Variants in MPHOSPH9 observed in about 807,000 individuals in gnomAD.
MPHOSPH9 encodes the protein M-phase phosphoprotein 9.
Under a neutral mutation model 145.5 loss-of-function variants are expected in MPHOSPH9, and 88 were observed. That is an observed-to-expected ratio of 0.60 (90% CI 0.51 to 0.72). The LOEUF is 0.72. MPHOSPH9 is among the 30% of genes least tolerant of loss of function. The pLI is 0.00. For synonymous variants in MPHOSPH9, 435 were observed against 486.2 expected (o/e 0.89, Z 1.39); for missense variants, 1,238 against 1,386.6 (o/e 0.89, Z 1.70).
intron 5 of MPHOSPH9, among the ~76,000 whole-genome samples, chr12:123,219,354 T>G (rs1035997448): frequency 9.3e-5 from 14 of 151,250 alleles, no homozygotes; most frequent in Non-Finnish European, 1.3e-4. Context: ...ATCCCAGCAC[T>G]TTGGGAGGCT....
chr12:123,235,981 T>A (rs2047844460), upstream of MPHOSPH9, among the ~76,000 whole-genome samples: 1 of 151,928 alleles, frequency 6.6e-6, no homozygotes, highest in African/African-American at 2.4e-5. Flanking sequence ...GGAGAATCGC[T>A]GGAACCCGGG....
intron 7 of MPHOSPH9, 113 bp from the exon 8 acceptor site, chr12:123,210,275 T>C (rs1824279075): frequency 1.8e-6 from 1 of 553,076 alleles, no homozygotes; most frequent in Non-Finnish European, 3.0e-6. Flanking sequence ...TAATTTTGGG[T>C]TAAAGTAATT....
intron 16 of MPHOSPH9, among the ~76,000 whole-genome samples, chr12:123,173,156 G>A (rs539090224): frequency 4.6e-5 from 7 of 152,196 alleles, no homozygotes; most frequent in Non-Finnish European, 7.4e-5. Flanking sequence ...GATTAAAGGC[G>A]TGAGCCACCA....
chr12:123,222,581 G>A (rs1422691420), intron 4 of MPHOSPH9, among the ~76,000 whole-genome samples: 1 of 152,152 alleles, frequency 6.6e-6, no homozygotes, highest in Non-Finnish European at 1.5e-5. Flanking sequence ...TTGAACCTGG[G>A]AGGCGGAGTT....
chr12:123,223,085 G>C lies in MPHOSPH9; in HGVS notation c.301C>G (p.Gln101Glu), dbSNP rs1357737573. The part of the protein sequence containing the change: ...QLFNLVEKQC[Q>E]EQIVAQQEQF... The stretch of plus-strand genomic sequence containing the variant: ...TCCTGCTGGGCAACTATCTGTTCTT[G>C]GCATTGTTTTTCCACCAAATTGAAT... The change falls in exon 4 of 24, where the codon CAA becomes GAA. Residue 101 changes from glutamine to glutamate, a missense_variant. Transcript: ENST00000606320. 1 of 1,490,514 alleles carries C rather than the reference G, an allele frequency of 6.7e-7. No homozygotes were observed. The highest frequency in any genetic ancestry group is 8.9e-7 in the Non-Finnish European group (1 of 1,128,796). The allele number at this position is 1,490,514 out of a possible 1,614,324, so 92.3% of individuals were successfully genotyped here. A position where few individuals can be genotyped will look rare whatever the true frequency, so the allele number is the denominator to read the frequency against.
intron 13 of MPHOSPH9, among the ~76,000 whole-genome samples, chr12:123,188,324 T>G (rs745821885): frequency 5.3e-5 from 8 of 152,140 alleles, no homozygotes; most frequent in Non-Finnish European, 1.0e-4. Flanking sequence ...GGTACAACCA[T>G]TTCAGAGAGC....
chr12:123,240,267 G>C (rs1000516193), intron 1 of MPHOSPH9, among the ~76,000 whole-genome samples: 9 of 151,414 alleles, frequency 5.9e-5, no homozygotes, highest in African/African-American at 2.2e-4. Flanking sequence ...CCAGCTACTT[G>C]GGATGCTGAG....
intron 2 of MPHOSPH9, 91 bp downstream of exon 2, chr12:123,230,170 C>T: frequency 1.4e-6 from 1 of 707,658 alleles, no homozygotes; most frequent in Non-Finnish European, 2.2e-6. Context: ...TAATTCAAAT[C>T]AGTAACTATG....
chr12:123,198,331 A>G lies in MPHOSPH9; in HGVS notation c.1941T>C (p.Cys647=), dbSNP rs2046065853. The change falls in exon 12 of 24, where the codon TGT becomes TGC. Residue 647 remains cysteine, a synonymous_variant. Coordinates refer to ENST00000606320, the MANE Select transcript of MPHOSPH9 (RefSeq NM_022782.4). ...CATGCAAAGCACTATCTAATTGGCC[A>G]CATCTAAAAACCATAAATTTAGCTT... ...KITNQILVDR[C]GQLDSALHEA... 3.1e-6 allele frequency: 5 copies of G among 1,608,718 alleles called. No individual in the cohort carries two copies. The Admixed American group carries it at 8.5e-5, about 27-fold the overall frequency.
chr12:123,218,147 G>A (rs559192156), intron 6 of MPHOSPH9, among the ~76,000 whole-genome samples: 4 of 151,856 alleles, frequency 2.6e-5, no homozygotes, highest in East Asian at 1.9e-4. Context: ...CAGGAGAATC[G>A]CTTGAACCTG....
intron 21 of MPHOSPH9, 45 bp downstream of exon 21, chr12:123,162,070 A>C: frequency 1.6e-6 from 2 of 1,262,492 alleles, no homozygotes; most frequent in Non-Finnish European, 2.2e-6. Context: ...AATCTCAAAA[A>C]ATGAATGATT....
intron 13 of MPHOSPH9, among the ~76,000 whole-genome samples, chr12:123,190,456 T>C (rs1424798629): frequency 6.6e-6 from 1 of 152,162 alleles, no homozygotes; most frequent in Non-Finnish European, 1.5e-5. Context: ...GGCCGGAGTA[T>C]TTTATTTCTT....
chr12:123,212,672 T>TCGC (rs1430899431), intron 7 of MPHOSPH9, among the ~76,000 whole-genome samples: 1 of 112,532 alleles, frequency 8.9e-6, no homozygotes, highest in Non-Finnish European at 1.7e-5. Context: ...GATCACACCA[T>TCGC]CGCACTCCAG....
chr12:123,225,694 A>T (rs1336039233), intron 3 of MPHOSPH9, among the ~76,000 whole-genome samples: 1 of 152,136 alleles, frequency 6.6e-6, no homozygotes, highest in East Asian at 1.9e-4. Context: ...GTTAAAATAC[A>T]TTGTGGCAAT....
At position 123,202,730 on chromosome 12, in the gene MPHOSPH9, T is replaced by C. The variant is rs749225898; in HGVS notation, c.1675A>G (p.Met559Val). 3.1e-6 allele frequency: 5 copies of C among 1,614,176 alleles called. No individual in the cohort carries two copies. The highest frequency in any genetic ancestry group is 1.1e-5 in the South Asian group (1 of 91,086). Reference sequence around the variant, plus strand: ...TGACTGACTGAGGCCGAAGCAACCATGACAGTGTTTTCTTCATCTACAGTG... The same window carrying C: ...TGACTGACTGAGGCCGAAGCAACCACGACAGTGTTTTCTTCATCTACAGTG... Reference protein sequence around the residue: ...VNTVDEENTVMVASASVSQSQ... With the variant: ...VNTVDEENTVVVASASVSQSQ... Residue 559 changes from methionine to valine, a missense_variant, in exon 10 of 24, where the codon ATG becomes GTG. Met to Val is a conservative substitution (Grantham distance 21). Coordinates refer to ENST00000606320, the MANE Select transcript of MPHOSPH9 (RefSeq NM_022782.4).
chr12:123,233,004 G>A (rs1427515631), intron 1 of MPHOSPH9, 71 bp downstream of exon 1: 1 of 152,346 alleles, frequency 6.6e-6, no homozygotes, highest in Non-Finnish European at 1.5e-5. Context: ...GGGCCGCTAA[G>A]ACAGTGTCTC....
At chr12:123,221,034 G>A (rs2047178080) in intron 5 of MPHOSPH9, among the ~76,000 whole-genome samples, 1 of 152,200 alleles carries the variant, frequency 6.6e-6, no homozygotes, top group Non-Finnish European at 1.5e-5. Flanking sequence ...CAGCCTGGGT[G>A]ACAGAGCGAG....
intron 3 of MPHOSPH9, among the ~76,000 whole-genome samples, chr12:123,226,521 C>CTTTTG (rs1555232541): frequency 2.1e-5 from 3 of 145,012 alleles, no homozygotes; most frequent in African/African-American, 7.6e-5. Context: ...TTTATATATA[C>CTTTTG]TTTTTTTTTT....
intron 3 of MPHOSPH9, 30 bp downstream of exon 3, chr12:123,227,433 A>G: frequency 7.1e-7 from 1 of 1,412,030 alleles, no homozygotes; most frequent in Non-Finnish European, 9.3e-7. Context: ...AATTATTTTA[A>G]AATTCCAAAA....
Sources: allele counts gnomAD v4.1 joint callset (sites outside exome capture counted in the v4.1 genomes callset), GRCh38; gene constraint gnomAD v4.1.1; transcripts MANE v1.5; gene names NCBI Gene and HGNC (gene_info 2026-07-23, HGNC 2026-07-21).